The following ZSCAN2 variants were observed in gnomAD, a reference collection of about 807,000 sequenced individuals.
ZSCAN2 encodes zinc finger and SCAN domain-containing protein 2.
A neutral mutation model predicts 47.8 loss-of-function variants in ZSCAN2; 26 were observed. The ratio of observed to expected loss-of-function variants is 0.54; its 90% confidence interval spans 0.40 to 0.75. ZSCAN2 has a LOEUF of 0.75. Ranked by LOEUF, ZSCAN2 falls within the 30% of genes least tolerant of loss-of-function variation. ZSCAN2 has a pLI of 0.00. For missense variants in ZSCAN2, 732 were observed against 785.4 expected, an observed-to-expected ratio of 0.93 and a Z score of 0.81; for synonymous variants, 305 against 288.7, an observed-to-expected ratio of 1.06 and a Z score of -0.57.
intron 1 of ZSCAN2, among the ~76,000 whole-genome samples, chr15:84,602,576 C>CCTTTT (rs1216502039): frequency 1.4e-5 from 2 of 147,428 alleles, no homozygotes; most frequent in East Asian, 2.0e-4. Context: ...TCTTTTTTTT[C>CCTTTT]CTTTTCTTTT....
chr15:84,623,460 A>G lies in ZSCAN2; in HGVS notation c.*1420A>G, dbSNP rs950377458. Reference sequence around the variant, plus strand: ...TGTTCCCTGGAGATATTTGGGCTTGAATCAGGAGTTTGTCCTACAGGTGTC... The same window carrying G: ...TGTTCCCTGGAGATATTTGGGCTTGGATCAGGAGTTTGTCCTACAGGTGTC... On this transcript the variant is annotated 3_prime_UTR_variant, in exon 3 of 3. Coordinates refer to ENST00000546148, the MANE Select transcript of ZSCAN2 (RefSeq NM_181877.4). 1.2e-5 allele frequency: 2 copies of G among 169,840 alleles called. No individual in the cohort carries two copies. Among genetic ancestry groups the G allele is most frequent in the African/African-American group, 4.8e-5 (2 of 41,464 alleles). The allele number at this position is 169,840 out of a possible 1,614,324, so 10.5% of individuals were successfully genotyped here.
At chr15:84,605,983 G>A (rs575929105) in intron 2 of ZSCAN2, among the ~76,000 whole-genome samples, 1 of 152,326 alleles carries the variant, frequency 6.6e-6, no homozygotes, top group African/African-American at 2.4e-5. Flanking sequence ...ACCAAGATTT[G>A]AACTTATGTG....
intron 1 of ZSCAN2, among the ~76,000 whole-genome samples, chr15:84,602,587 C>CT (rs981357914): frequency 0.14 from 16,060 of 115,696 alleles, 1,366 homozygotes; most frequent in Admixed American, 0.24. Flanking sequence ...CTTTTCTTTT[C>CT]TTTTTTTTTT....
Position 84,621,385 on chromosome 15 carries a change from A to C in ZSCAN2, c.1190A>C (p.Gln397Pro). Residue 397 changes from glutamine (Q) to proline (P), a missense_variant, in exon 3 of 3, where the codon CAG becomes CCG. Transcript: ENST00000546148. This position sits in a 1 kb window ranked among gnomAD's most constrained non-coding sequence, Gnocchi z 5.7. ...CCCTACAAATGTACCGACTGTGGGC[A>C]GAGGTTCAGCCAGAGTTCAGCCCTC... ...EKPYKCTDCGQRFSQSSALIT... is the reference protein window; with the variant it reads ...EKPYKCTDCGPRFSQSSALIT... The C allele has an allele frequency of 6.2e-7, 1 of 1,614,190 alleles. No homozygotes were observed. The highest frequency in any genetic ancestry group is 8.5e-7 in the Non-Finnish European group (1 of 1,180,026).
rs1567012471 is a variant in ZSCAN2, at chr15:84,619,926, G to GTTTTTTTTTTT, written c.407-676_407-675insTTTTTTTTTTT. ...AGTCAGAATGAAATAAGCCTGGGTT[G>GTTTTTTTTTTT]GTTTTTTTTTTTTTTTTTTTCCATC... On this transcript the variant is annotated intron_variant, in intron 2 of 2. Transcript: ENST00000546148. Among the ~76,000 whole-genome samples the GTTTTTTTTTTT allele has an allele frequency of 1.7e-4, 5 of 28,672 alleles. 1 individual carries two copies. Among genetic ancestry groups the GTTTTTTTTTTT allele is most frequent in the Non-Finnish European group, 1.6e-4 (2 of 12,822 alleles). The allele number at this position is 28,672 out of a possible 152,430, so 18.8% of individuals were successfully genotyped here.
chr15:84,611,467 G>A (rs1895545871), intron 2 of ZSCAN2, among the ~76,000 whole-genome samples: 2 of 150,636 alleles, frequency 1.3e-5, no homozygotes, highest in African/African-American at 4.9e-5. Flanking sequence ...AACAACAACA[G>A]GCCAGTCGTG....
intron 2 of ZSCAN2, among the ~76,000 whole-genome samples, chr15:84,607,652 G>A (rs1895422947): frequency 6.6e-6 from 1 of 152,074 alleles, no homozygotes; most frequent in Admixed American, 6.6e-5. Context: ...GGGATTACAG[G>A]TGCGTGCTAC....
At chr15:84,620,014 C>T (rs371852281) in intron 2 of ZSCAN2, among the ~76,000 whole-genome samples, 17 of 150,706 alleles carry the variant, frequency 1.1e-4, no homozygotes, top group African/African-American at 3.7e-4. Flanking sequence ...TAAATGCGTG[C>T]CATGGTGGTT....
chr15:84,617,947 TAAAAAA>T (rs1895733058), intron 2 of ZSCAN2, among the ~76,000 whole-genome samples: 5 of 151,830 alleles, frequency 3.3e-5, no homozygotes, highest in Admixed American at 2.6e-4. Context: ...CTCAAAAAAA[TAAAAAA>T]TAAAAATAAA....
At chr15:84,611,972 G>A (rs927305996) in intron 2 of ZSCAN2, 1 of 151,948 alleles carries the variant, frequency 6.6e-6, no homozygotes, top group Non-Finnish European at 1.5e-5. Context: ...TTCACAACGT[G>A]GTAAGAATAT....
rs1895835546 is a variant in ZSCAN2 at position 84,622,351 on chromosome 15, G to A, written c.*311G>A. ...TCAGTTTCCTCTTTGGTAAAATGGG[G>A]GGAAATGTTTCTCCATGTGGAATGG... On this transcript the variant is annotated 3_prime_UTR_variant, in exon 3 of 3. Transcript: ENST00000546148. 1 of 576,254 alleles carries A rather than the reference G, an allele frequency of 1.7e-6. No homozygotes were observed. The highest frequency in any genetic ancestry group is 2.3e-5 in the South Asian group (1 of 42,776). 35.7% of individuals were successfully genotyped at this position (576,254 alleles called of 1,614,324 possible).
At position 84,603,946 on chromosome 15, in the gene ZSCAN2, C is replaced by A; in HGVS notation, c.19C>A (p.Pro7Thr). The part of the protein sequence containing the change: MMAADI[P>T]RVTTPLSSLV... ...ACTGTGGATGATGGCTGCAGACATC[C>A]CGAGAGTGACCACTCCGCTGAGCTC... is the stretch of plus-strand genomic sequence containing the variant. The change falls in exon 2 of 3, where the codon CCG becomes ACG. Residue 7 changes from proline to threonine, a missense_variant. Physicochemically the swap from Pro to Thr is conservative, Grantham distance 38. This residue lies in a region of ZSCAN2 where 320 missense variants were observed against 287.4 expected (regional missense o/e 1.11). Coordinates refer to ENST00000546148, the MANE Select transcript of ZSCAN2 (RefSeq NM_181877.4). 6.2e-7 allele frequency: 1 copy of A among 1,613,544 alleles called. No homozygotes were observed. Among genetic ancestry groups the A allele is most frequent in the Non-Finnish European group, 8.5e-7 (1 of 1,179,866 alleles).
At position 84,603,948 on chromosome 15, in the gene ZSCAN2, G is replaced by C; in HGVS notation, c.21G>C (p.Pro7=). Residue 7 remains proline (P), a synonymous_variant, in exon 2 of 3, where the codon CCG becomes CCC. Transcript: ENST00000546148. ...TGTGGATGATGGCTGCAGACATCCC[G>C]AGAGTGACCACTCCGCTGAGCTCCT... MMAADI[P]RVTTPLSSLV... 1.2e-6 allele frequency: 2 copies of C among 1,613,752 alleles called. No individual in the cohort carries two copies. The highest frequency in any genetic ancestry group is 1.3e-5 in the African/African-American group (1 of 75,026).
intron 2 of ZSCAN2, among the ~76,000 whole-genome samples, chr15:84,612,933 A>G (rs1184194627): frequency 6.6e-6 from 1 of 152,214 alleles, no homozygotes; most frequent in East Asian, 1.9e-4. Flanking sequence ...ATTCTTTCAT[A>G]TGTTCATCTA....
At chr15:84,619,749 G>T (rs910462600) in intron 2 of ZSCAN2, among the ~76,000 whole-genome samples, 5 of 152,032 alleles carry the variant, frequency 3.3e-5, no homozygotes, top group African/African-American at 1.2e-4. Context: ...TGAGTGTGGG[G>T]GTAATTGGGT....
Position 84,621,850 on chromosome 15 carries a change from A to G in ZSCAN2, c.1655A>G (p.His552Arg). The G allele has an allele frequency of 1.2e-6, 2 of 1,614,220 alleles. No individual in the cohort carries two copies. The highest frequency in any genetic ancestry group is 1.7e-6 in the Non-Finnish European group (2 of 1,180,038). The change falls in exon 3 of 3, where the codon CAT becomes CGT. Residue 552 changes from histidine (H) to arginine (R), a missense_variant. Around this residue, in one of 2 missense-constraint regions of ZSCAN2, gnomAD observed 412 missense variants for 498.0 expected, o/e 0.83. Coordinates refer to ENST00000546148, the MANE Select transcript of ZSCAN2 (RefSeq NM_181877.4). The surrounding 1 kb of genome is among the most constrained non-coding windows in gnomAD (Gnocchi z 5.7). ...ATTCTGGTCATGCACCAGAGAGCCC[A>G]TTTGGGAGACAAGCCCTACAGGTGC... ...GSILVMHQRA[H>R]LGDKPYRCPE...
chr15:84,621,076 T>C lies in ZSCAN2; in HGVS notation c.881T>C (p.Ile294Thr). 1.2e-6 allele frequency: 2 copies of C among 1,613,260 alleles called. No individual in the cohort carries two copies. ...GKSFSRSANLITHQRIHTGEK... is the reference protein window; with the variant it reads ...GKSFSRSANLTTHQRIHTGEK... ...AGCTTTAGCCGGAGTGCCAACCTCATAACCCACCAGAGGATCCACACGGGG... is the reference window on the plus strand; with the variant it reads ...AGCTTTAGCCGGAGTGCCAACCTCACAACCCACCAGAGGATCCACACGGGG... The change falls in exon 3 of 3, where the codon ATA becomes ACA. Residue 294 changes from isoleucine (I) to threonine (T), a missense_variant. By Grantham distance (89) the Ile-to-Thr change is moderately conservative. Coordinates refer to ENST00000546148, the MANE Select transcript of ZSCAN2 (RefSeq NM_181877.4). The surrounding 1 kb of genome is among the most constrained non-coding windows in gnomAD (Gnocchi z 5.7).
At chr15:84,617,745 T>C (rs148127527) in intron 2 of ZSCAN2, among the ~76,000 whole-genome samples, 1 of 152,206 alleles carries the variant, frequency 6.6e-6, no homozygotes, top group Non-Finnish European at 1.5e-5. Flanking sequence ...GAGACTAGCC[T>C]GGGCAACATA....
intron 2 of ZSCAN2, among the ~76,000 whole-genome samples, chr15:84,610,502 T>G (rs1463649703): frequency 6.7e-6 from 1 of 149,636 alleles, no homozygotes; most frequent in African/African-American, 2.5e-5. Flanking sequence ...TTTTTTTTTT[T>G]TTTTGAGATG....
Sources: gnomAD v4.1 joint callset for allele counts (sites outside exome capture counted in the v4.1 genomes callset) on GRCh38, gnomAD v4.1.1 for gene constraint, gnomAD v4.1.1 regional missense constraint, Gnocchi (gnomAD v3.1) non-coding constraint, MANE v1.5 for transcripts, NCBI Gene and HGNC (gene_info 2026-07-23, HGNC 2026-07-21) for gene names.